SNX29: variants seen among roughly 807,000 people sequenced by gnomAD.
SNX29 encodes the protein sorting nexin 29.
A neutral mutation model predicts 102.1 loss-of-function variants in SNX29; 78 were observed. The ratio of observed to expected loss-of-function variants is 0.76; its 90% CI spans 0.64 to 0.92. The LOEUF (loss-of-function observed/expected upper bound fraction) is 0.92, where lower values mean the gene tolerates loss of function less well. SNX29 is among the 40% of genes least tolerant of loss of function. The probability of loss-of-function intolerance (pLI) is 0.00; values close to 1 mark genes in which losing one functional copy is unlikely to be tolerated. For missense variants in SNX29, 1,280 were observed against 1,061.7 expected, an observed-to-expected ratio of 1.21 and a Z score of -2.86; for synonymous variants, 580 against 414.5, an observed-to-expected ratio of 1.40 and a Z score of -4.85.
rs997750189 is a variant in SNX29 at position 12,572,215 on chromosome 16, A to C, written c.*3586A>C. 1.0e-6 allele frequency: 1 copy of C among 999,410 alleles called. No individual in the cohort carries two copies. Among genetic ancestry groups the C allele is most frequent in the African/African-American group, 1.7e-5 (1 of 59,632 alleles). The allele number at this position is 999,410 out of a possible 1,614,324, so 61.9% of individuals were successfully genotyped here. On this transcript the variant is annotated 3_prime_UTR_variant, in exon 21 of 21. Coordinates refer to ENST00000566228, the MANE Select transcript of SNX29 (RefSeq NM_032167.5). ...CAGGTAGTATTGTGCTTTAAAAACC[A>C]GAGGCTCCTGAAAGTCGTTTACACC...
At chr16:11,995,119 G>C (rs1272253203) in intron 1 of SNX29, among the ~76,000 whole-genome samples, 2 of 152,192 alleles carry the variant, frequency 1.3e-5, no homozygotes, top group African/African-American at 2.4e-5. Flanking sequence ...AGGCTGGAGT[G>C]CATTGGTGCA....
chr16:12,048,053 C>G (rs1226541512), intron 6 of SNX29, among the ~76,000 whole-genome samples: 2 of 151,942 alleles, frequency 1.3e-5, no homozygotes, highest in African/African-American at 4.8e-5. Flanking sequence ...CCCAGTTGAC[C>G]TCTTATTCAT....
intron 13 of SNX29, among the ~76,000 whole-genome samples, chr16:12,160,031 G>T (rs761234843): frequency 1.3e-5 from 2 of 152,142 alleles, no homozygotes; most frequent in Admixed American, 1.3e-4. Context: ...TTCCAAAAGC[G>T]CAGGCTAGTC....
intron 20 of SNX29, among the ~76,000 whole-genome samples, chr16:12,529,658 G>C (rs2076879536): frequency 6.6e-6 from 1 of 152,138 alleles, no homozygotes; most frequent in South Asian, 2.1e-4. Context: ...AGAAAACCCA[G>C]TCTGGGTTTC....
At chr16:12,564,854 CTA>C (rs1567214826) in intron 20 of SNX29, among the ~76,000 whole-genome samples, 1 of 149,582 alleles carries the variant, frequency 6.7e-6, no homozygotes, top group African/African-American at 2.5e-5. Context: ...CTAACAAGGG[CTA>C]TGAGAGATGA....
intron 13 of SNX29, among the ~76,000 whole-genome samples, chr16:12,172,844 T>G (rs938641292): frequency 1.7e-4 from 26 of 152,228 alleles, no homozygotes; most frequent in Admixed American, 2.0e-4. Flanking sequence ...GTCAGTGTTC[T>G]ATGTGAAGAT....
chr16:12,289,551 T>C (rs1004360343), intron 15 of SNX29, among the ~76,000 whole-genome samples: 4 of 152,160 alleles, frequency 2.6e-5, no homozygotes, highest in Admixed American at 2.0e-4. Context: ...CTCCACCCCA[T>C]GTGTTCTGTT....
chr16:12,217,210 G>C (rs1026587276), intron 14 of SNX29, among the ~76,000 whole-genome samples: 3 of 152,180 alleles, frequency 2.0e-5, no homozygotes, highest in African/African-American at 7.2e-5. Context: ...TGTAGAGACA[G>C]GGTCTCACGA....
chr16:12,542,083 T>G lies in SNX29; in HGVS notation c.2318+17242T>G, dbSNP rs190627382. ...CCTAGTCACCAGTTAGTCCAAATCC[T>G]GCAATATTGTCTCTTCCCAACGGAT... On this transcript the variant is annotated intron_variant, in intron 20 of 20. Transcript: ENST00000566228. Among the ~76,000 whole-genome samples the G allele has an allele frequency of 3.3e-4, 50 of 152,248 alleles. 1 individual carries two copies. The East Asian group carries it at 8.5e-3, about 26-fold the overall frequency.
At chr16:12,452,421 A>G (rs576049420) in intron 18 of SNX29, among the ~76,000 whole-genome samples, 1 of 22,480 alleles carries the variant, frequency 4.4e-5, no homozygotes, top group East Asian at 7.6e-4. Flanking sequence ...GCTCTGTGCC[A>G]GGGACTGTGC....
At chr16:12,545,718 C>G (rs527935182) in intron 20 of SNX29, 2 of 152,360 alleles carry the variant, frequency 1.3e-5, no homozygotes, top group East Asian at 1.9e-4. Context: ...TGGCCAGAGA[C>G]GAGGTCACCA....
At chr16:12,552,347 G>C (rs149673972) in intron 20 of SNX29, among the ~76,000 whole-genome samples, 2 of 152,248 alleles carry the variant, frequency 1.3e-5, no homozygotes, top group Admixed American at 1.3e-4. Context: ...TTCTGTGAGG[G>C]TTTAATAAGC....
At chr16:12,290,447 G>T (rs1318795480) in intron 15 of SNX29, among the ~76,000 whole-genome samples, 3 of 152,150 alleles carry the variant, frequency 2.0e-5, no homozygotes, top group Admixed American at 6.5e-5. Context: ...GACTGATTCA[G>T]TTTGCCCCAG....
intron 9 of SNX29, among the ~76,000 whole-genome samples, chr16:12,066,029 C>T (rs574751808): frequency 2.0e-5 from 3 of 152,258 alleles, no homozygotes; most frequent in South Asian, 2.1e-4. Context: ...ACAAGCCATT[C>T]GCGGTTGTGC....
At chr16:12,111,550 C>T (rs935649634) in intron 11 of SNX29, among the ~76,000 whole-genome samples, 5 of 152,178 alleles carry the variant, frequency 3.3e-5, no homozygotes, top group East Asian at 1.9e-4. Flanking sequence ...GGGAGGTTCC[C>T]GGCCCCTTCC....
chr16:12,407,510 A>C (rs140005150), intron 18 of SNX29, among the ~76,000 whole-genome samples: 2 of 152,236 alleles, frequency 1.3e-5, no homozygotes, highest in African/African-American at 2.4e-5. Context: ...AAAGTTTAGC[A>C]TGATGCTCTA....
intron 16 of SNX29, among the ~76,000 whole-genome samples, chr16:12,392,965 C>G (rs1030216202): frequency 6.6e-6 from 1 of 152,196 alleles, no homozygotes; most frequent in Non-Finnish European, 1.5e-5. Context: ...AGAGACAGAA[C>G]CATGCCATTT....
At chr16:12,291,201 C>A (rs1001850645) in intron 15 of SNX29, among the ~76,000 whole-genome samples, 1 of 152,016 alleles carries the variant, frequency 6.6e-6, no homozygotes, top group Non-Finnish European at 1.5e-5. Flanking sequence ...TGTCACGGTG[C>A]TGATAAAGAC....
intron 18 of SNX29, among the ~76,000 whole-genome samples, chr16:12,418,263 G>A (rs777327624): frequency 6.6e-6 from 1 of 152,070 alleles, no homozygotes; most frequent in Admixed American, 6.5e-5. Flanking sequence ...CCGCAAAACC[G>A]TTTGCTAGCG....
Sources: gnomAD v4.1 joint callset for allele counts (sites outside exome capture counted in the v4.1 genomes callset) on GRCh38, gnomAD v4.1.1 for gene constraint, MANE v1.5 for transcripts, NCBI Gene and HGNC (gene_info 2026-07-23, HGNC 2026-07-21) for gene names.